Variants in ZNF250 observed in about 807,000 individuals in gnomAD.
ZNF250 encodes the protein zinc finger protein 250.
A neutral mutation model predicts 37.1 loss-of-function variants in ZNF250; 13 were observed. The observed-to-expected ratio is 0.35, with a 90% confidence interval of 0.23 to 0.56. The LOEUF (loss-of-function observed/expected upper bound fraction) is 0.56, where lower values mean the gene tolerates loss of function less well. Among genes scored for constraint, ZNF250 ranks in the 20% least tolerant of loss-of-function variants. The probability of loss-of-function intolerance (pLI) is 0.87; values close to 1 mark genes in which losing one functional copy is unlikely to be tolerated. For missense variants in ZNF250, 474 were observed against 697.9 expected (o/e 0.68, Z 3.61); for synonymous variants, 251 against 265.6 (o/e 0.94, Z 0.54).
chr8:144,885,796 A>G lies in ZNF250; in HGVS notation c.346+1044T>C, dbSNP rs1340692622. On this transcript the variant is annotated intron_variant, in intron 5 of 5. Transcript: ENST00000417550. ...AGAAATAGTTACTCATTTACACTGA[A>G]AAGTATTACTTCTATTGTCTGAAGT... Among the ~76,000 whole-genome samples the G allele has an allele frequency of 2.0e-5, 3 of 152,154 alleles. No individual in the cohort carries two copies. The South Asian group carries it at 6.2e-4, about 32-fold the overall frequency.
At position 144,877,074 on chromosome 8, in the gene ZNF250, G is replaced by A. The variant is rs561844859; in HGVS notation, c.*4441C>T. 1.3e-5 allele frequency: 2 copies of A among 152,292 alleles called. No homozygotes were observed. Among genetic ancestry groups the A allele is most frequent in the South Asian group, 4.1e-4 (2 of 4,832 alleles). 9.4% of individuals were successfully genotyped at this position (152,292 alleles called of 1,614,324 possible). Reference sequence around the variant, plus strand: ...AGAACCAAGTTTCAAATTCTTAATAGCTGTTAGAAGAAACAATTTTAAAAG... The same window carrying A: ...AGAACCAAGTTTCAAATTCTTAATAACTGTTAGAAGAAACAATTTTAAAAG... On this transcript the variant is annotated 3_prime_UTR_variant, in exon 6 of 6. Coordinates refer to ENST00000417550, the MANE Select transcript of ZNF250 (RefSeq NM_001109689.4).
chr8:144,882,186 G>C lies in ZNF250; in HGVS notation c.997C>G (p.Pro333Ala). 1.2e-6 allele frequency: 2 copies of C among 1,614,116 alleles called. No individual in the cohort carries two copies. Among genetic ancestry groups the C allele is most frequent in the Non-Finnish European group, 1.7e-6 (2 of 1,180,016 alleles). The change falls in exon 6 of 6, where the codon CCT (proline) becomes GCT (alanine). Residue 333 changes from proline (P) to alanine (A), a missense_variant. Pro to Ala is a conservative substitution (Grantham distance 27). Around this residue, in one of 2 missense-constraint regions of ZNF250, gnomAD observed 282 missense variants for 470.4 expected, o/e 0.60. Transcript: ENST00000417550. This position sits in a 1 kb window ranked among gnomAD's most constrained non-coding sequence, Gnocchi z 5.5. ...TTCCCACACTCATTGCACCTGTGAGGCTTCTCCCCAGTGTGTACCCTCTGG... is the reference window on the plus strand; with the variant it reads ...TTCCCACACTCATTGCACCTGTGAGCCTTCTCCCCAGTGTGTACCCTCTGG... Reference protein sequence around the residue: ...SHQRVHTGEKPHRCNECGKTF... With the variant: ...SHQRVHTGEKAHRCNECGKTF...
At chr8:144,900,210 C>T (rs938918988) in intron 1 of ZNF250, among the ~76,000 whole-genome samples, 13 of 152,238 alleles carry the variant, frequency 8.5e-5, no homozygotes, top group Admixed American at 8.5e-4. Flanking sequence ...AGAGTCCCGT[C>T]CAGGGCGGGA....
intron 5 of ZNF250, 110 bp downstream of exon 5, chr8:144,886,730 A>T: frequency 1.2e-6 from 1 of 866,612 alleles, no homozygotes; most frequent in Non-Finnish European, 1.8e-6. Context: ...CAATTGTGTG[A>T]GTTGTTTAAC....
rs1831458081 is a variant in ZNF250 at position 144,881,422 on chromosome 8, C to T, written c.*93G>A. ...CACTGAATCGCCAAAGAAAAGCTTCCTATAGAGTTAACAGAGACTTCTCTT... is the reference window on the plus strand; with the variant it reads ...CACTGAATCGCCAAAGAAAAGCTTCTTATAGAGTTAACAGAGACTTCTCTT... On this transcript the variant is annotated 3_prime_UTR_variant, in exon 6 of 6. Coordinates refer to ENST00000417550, the MANE Select transcript of ZNF250 (RefSeq NM_001109689.4). 4.8e-6 allele frequency: 7 copies of T among 1,460,596 alleles called. No homozygotes were observed. Among genetic ancestry groups the T allele is most frequent in the African/African-American group, 1.4e-5 (1 of 70,690 alleles). The allele number at this position is 1,460,596 out of a possible 1,614,324, so 90.5% of individuals were successfully genotyped here.
In ZNF250 at chr8:144,881,580, A is replaced by G. The variant is rs1354842528; in HGVS notation, c.1603T>C (p.Cys535Arg). The G allele has an allele frequency of 1.2e-6, 2 of 1,611,438 alleles. No homozygotes were observed. Among genetic ancestry groups the G allele is most frequent in the South Asian group, 1.1e-5 (1 of 91,012 alleles). ...TGEKPYECGE[C>R]GRAFNQHGHL... is the part of the protein sequence containing the mutation. ...CCATGCTGGTTGAAGGCACGCCCACACTCCCCGCACTCATAGGGCTTCTCG... is the reference window on the plus strand; with the variant it reads ...CCATGCTGGTTGAAGGCACGCCCACGCTCCCCGCACTCATAGGGCTTCTCG... The change falls in exon 6 of 6, where the codon TGT becomes CGT. Residue 535 changes from cysteine to arginine, a missense_variant. Cys to Arg is a radical substitution (Grantham distance 180). Around this residue, in one of 2 missense-constraint regions of ZNF250, gnomAD observed 282 missense variants for 470.4 expected, o/e 0.60. Transcript: ENST00000417550.
rs376586291 is a variant in ZNF250 at position 144,877,021 on chromosome 8, G to C, written c.*4494C>G. ...ACAGAAATTCCAGGCAGACTAAAAT[G>C]TTTTCCAAAATAATAGAAAATTTGA... On this transcript the variant is annotated 3_prime_UTR_variant, in exon 6 of 6. Coordinates refer to ENST00000417550, the MANE Select transcript of ZNF250 (RefSeq NM_001109689.4). The C allele has an allele frequency of 3.3e-5, 5 of 152,274 alleles. No individual in the cohort carries two copies. Among genetic ancestry groups the C allele is most frequent in the Admixed American group, 1.3e-4 (2 of 15,296 alleles). 9.4% of individuals were successfully genotyped at this position (152,274 alleles called of 1,614,324 possible).
rs1831295657 is a variant in ZNF250 at position 144,879,121 on chromosome 8, T to G, written c.*2394A>C. 6.6e-6 allele frequency: 1 copy of G among 152,250 alleles called. No individual in the cohort carries two copies. The allele number at this position is 152,250 out of a possible 1,614,324, so 9.4% of individuals were successfully genotyped here. On this transcript the variant is annotated 3_prime_UTR_variant, in exon 6 of 6. Coordinates refer to ENST00000417550, the MANE Select transcript of ZNF250 (RefSeq NM_001109689.4). ...CTATCTGAAACAACACCTCACAGAA[T>G]GGCAACACCTCTAAGGTTAACACCT...
chr8:144,897,899 T>C lies in ZNF250; in HGVS notation c.-55+3500A>G, dbSNP rs1832825167. ...ATTGTTTGTGGCTTAAGAATGCCTT[T>C]AAGGGGTTTTCCACCCTGGGCCGGC... On this transcript the variant is annotated intron_variant, in intron 1 of 5. Coordinates refer to ENST00000417550, the MANE Select transcript of ZNF250 (RefSeq NM_001109689.4). This position sits in a 1 kb window ranked among gnomAD's most constrained non-coding sequence, Gnocchi z 5.2. Among the ~76,000 whole-genome samples, 1 of 152,250 alleles carries C rather than the reference T, an allele frequency of 6.6e-6. No individual in the cohort carries two copies. Among genetic ancestry groups the C allele is most frequent in the Non-Finnish European group, 1.5e-5 (1 of 68,036 alleles).
At position 144,895,441 on chromosome 8, in the gene ZNF250, C is replaced by T. The variant is rs28499029; in HGVS notation, c.-54-5038G>A. On this transcript the variant is annotated intron_variant, in intron 1 of 5. Coordinates refer to ENST00000417550, the MANE Select transcript of ZNF250 (RefSeq NM_001109689.4). ...GCCCCACCTATAAATCCAGATGACA[C>T]ACTCCTCTGAAGGCCTGGAGATCAT... is the stretch of plus-strand genomic sequence containing the variant. 2.5e-3 allele frequency among the ~76,000 whole-genome samples: 384 copies of T among 152,306 alleles called. 3 individuals carry two copies. Among genetic ancestry groups the T allele is most frequent in the African/African-American group, 9.0e-3 (374 of 41,564 alleles).
At chr8:144,900,584 AAAC>A (rs774497682) in intron 1 of ZNF250, among the ~76,000 whole-genome samples, 7 of 152,360 alleles carry the variant, frequency 4.6e-5, no homozygotes, top group Admixed American at 6.5e-5. Context: ...TTAAGCCAAT[AAAC>A]AACAAGGAAA....
At position 144,897,773 on chromosome 8, in the gene ZNF250, TATCCCTTATGGGAAAC is replaced by T. The variant is rs1832817542; in HGVS notation, c.-55+3610_-55+3625del. Among the ~76,000 whole-genome samples the T allele has an allele frequency of 6.6e-6, 1 of 152,232 alleles. No individual in the cohort carries two copies. Among genetic ancestry groups the T allele is most frequent in the African/African-American group, 2.4e-5 (1 of 41,460 alleles). On this transcript the variant is annotated intron_variant, in intron 1 of 5. Transcript: ENST00000417550. This position sits in a 1 kb window ranked among gnomAD's most constrained non-coding sequence, Gnocchi z 5.2. The stretch of plus-strand genomic sequence containing the variant: ...CTATAGATATTAATTTAACTAAAAG[TATCCCTTATGGGAAAC>T]GAAGGGATGGGCCGAATTAAAGGAA...
In ZNF250 at chr8:144,897,091, A is replaced by G. The variant is rs151113160; in HGVS notation, c.-55+4308T>C. 7.7e-4 allele frequency among the ~76,000 whole-genome samples: 118 copies of G among 152,336 alleles called. No individual in the cohort carries two copies. The highest frequency in any genetic ancestry group is 1.4e-3 in the Non-Finnish European group (93 of 68,018). ...AGACATTCCTATCACTCTTTTTGGA[A>G]TTCCTGACTGTCTTGATGTGACAAA... On this transcript the variant is annotated intron_variant, in intron 1 of 5. Coordinates refer to ENST00000417550, the MANE Select transcript of ZNF250 (RefSeq NM_001109689.4). This position sits in a 1 kb window ranked among gnomAD's most constrained non-coding sequence, Gnocchi z 5.2.
rs191942764 is a variant in ZNF250 at position 144,885,086 on chromosome 8, T to C, written c.346+1754A>G. On this transcript the variant is annotated intron_variant, in intron 5 of 5. Coordinates refer to ENST00000417550, the MANE Select transcript of ZNF250 (RefSeq NM_001109689.4). ...TGAAACAGTGAGAATTTAACAGTTT[T>C]TTTAATAAAAAAATTTAAATTCACT... 1.4e-3 allele frequency among the ~76,000 whole-genome samples: 206 copies of C among 152,362 alleles called. 1 individual carries two copies. The Middle Eastern group carries it at 0.014, about 10-fold the overall frequency.
chr8:144,877,127 G>A lies in ZNF250; in HGVS notation c.*4388C>T, dbSNP rs1449055784. ...ATATATACGTATTTTTTGTGACAAG[G>A]TCTCTCTCTGTTGTCCAGGCTAGAT... On this transcript the variant is annotated 3_prime_UTR_variant, in exon 6 of 6. Transcript: ENST00000417550. 1 of 152,140 alleles carries A rather than the reference G, an allele frequency of 6.6e-6. No homozygotes were observed. Among genetic ancestry groups the A allele is most frequent in the Admixed American group, 6.5e-5 (1 of 15,272 alleles). 9.4% of individuals were successfully genotyped at this position (152,140 alleles called of 1,614,324 possible).
rs779288460 is a variant in ZNF250 at position 144,882,250 on chromosome 8, A to G, written c.933T>C (p.Cys311=). The G allele has an allele frequency of 1.9e-6, 3 of 1,614,010 alleles. No homozygotes were observed. Among genetic ancestry groups the G allele is most frequent in the Non-Finnish European group, 2.5e-6 (3 of 1,179,942 alleles). The change falls in exon 6 of 6, where the codon TGT becomes TGC. Residue 311 remains cysteine, a synonymous_variant. Coordinates refer to ENST00000417550, the MANE Select transcript of ZNF250 (RefSeq NM_001109689.4). This position sits in a 1 kb window ranked among gnomAD's most constrained non-coding sequence, Gnocchi z 5.5. ...TGERPYVCPL[C]GKAFNHSTVL... is the part of the protein sequence containing the mutation. ...CAGTGCTATGGTTGAAGGCTTTCCC[A>G]CACAACGGACACACATATGGCCTTT...
intron 1 of ZNF250, among the ~76,000 whole-genome samples, chr8:144,894,589 C>CTTT (rs370237954): frequency 1.4e-5 from 2 of 141,822 alleles, no homozygotes; most frequent in Non-Finnish European, 3.1e-5. Flanking sequence ...AGTGGTCGAC[C>CTTT]TTTTTTTTTT....
chr8:144,900,184 C>G lies in ZNF250; in HGVS notation c.-55+1215G>C, dbSNP rs375787951. 7.9e-5 allele frequency among the ~76,000 whole-genome samples: 12 copies of G among 152,316 alleles called. No homozygotes were observed. The East Asian group carries it at 2.3e-3, about 29-fold the overall frequency. On this transcript the variant is annotated intron_variant, in intron 1 of 5. Transcript: ENST00000417550. ...ACCTGGCAGGAATGCAGTGACCTGT[C>G]AAAGCCCACAGGACCAGAGTCCCGT... is the stretch of plus-strand genomic sequence containing the variant.
intron 1 of ZNF250, among the ~76,000 whole-genome samples, chr8:144,896,926 G>A (rs117535458): frequency 0.012 from 1,758 of 152,292 alleles, 15 homozygotes; most frequent in Non-Finnish European, 0.02. Flanking sequence ...GCAGCATAAG[G>A]AGCTAATTTT....
Sources: allele counts gnomAD v4.1 joint callset (sites outside exome capture counted in the v4.1 genomes callset), GRCh38; gene constraint gnomAD v4.1.1; regional missense constraint gnomAD v4.1.1; non-coding constraint Gnocchi (gnomAD v3.1); transcripts MANE v1.5; gene names NCBI Gene and HGNC (gene_info 2026-07-23, HGNC 2026-07-21).